Variants in RPA2 observed in about 807,000 individuals in gnomAD.
The protein encoded by RPA2 is replication protein A 32 kDa subunit.
RPA2 carries 22 observed loss-of-function variants against 33.4 expected under a neutral mutation model. The observed-to-expected ratio is 0.66, with a 90% CI of 0.47 to 0.94. The LOEUF (loss-of-function observed/expected upper bound fraction) is 0.94. Ranked by LOEUF, RPA2 falls within the 40% of genes least tolerant of loss-of-function variation. The probability of loss-of-function intolerance (pLI) is 0.00; values close to 1 mark genes in which losing one functional copy is unlikely to be tolerated. For missense variants in RPA2, 279 were observed against 329.9 expected (o/e 0.85, Z 1.19); for synonymous variants, 109 against 114.9 (o/e 0.95, Z 0.33).
Position 27,894,108 on chromosome 1 carries a change from T to A in RPA2, c.634-2A>T. On this transcript the variant is annotated splice_acceptor_variant, in intron 7 of 8. Coordinates refer to ENST00000373912, the MANE Select transcript of RPA2 (RefSeq NM_002946.5). LOFTEE classifies it high-confidence loss of function. ...ACAAGCCTTAATCAAATTCAACACC[T>A]GAAGATTCAAATCAGAAAGATTTTA... 1 of 1,612,758 alleles carries A rather than the reference T, an allele frequency of 6.2e-7. No individual in the cohort carries two copies. The highest frequency in any genetic ancestry group is 8.5e-7 in the Non-Finnish European group (1 of 1,178,870).
chr1:27,913,008 AG>A (rs1276285678), intron 2 of RPA2, among the ~76,000 whole-genome samples: 1 of 152,128 alleles, frequency 6.6e-6, no homozygotes, highest in African/African-American at 2.4e-5. Flanking sequence ...GCTGGAGTGC[AG>A]TGGCATCATC....
chr1:27,900,173 G>A (rs2089950745), intron 4 of RPA2, among the ~76,000 whole-genome samples: 1 of 151,882 alleles, frequency 6.6e-6, no homozygotes. Context: ...TTACAATGGT[G>A]GGATCTCGGC....
At chr1:27,902,542 C>T (rs2089980823) in intron 4 of RPA2, among the ~76,000 whole-genome samples, 1 of 152,044 alleles carries the variant, frequency 6.6e-6, no homozygotes, top group African/African-American at 2.4e-5. Flanking sequence ...TCTTGGCCTC[C>T]CCAAAGTCCT....
At chr1:27,901,568 C>G (rs569066221) in intron 4 of RPA2, among the ~76,000 whole-genome samples, 1 of 152,068 alleles carries the variant, frequency 6.6e-6, no homozygotes, top group African/African-American at 2.4e-5. Context: ...ACCACATTGG[C>G]CAGGCTGGTC....
At chr1:27,903,760 G>A (rs537178299) in intron 4 of RPA2, among the ~76,000 whole-genome samples, 47 of 150,402 alleles carry the variant, frequency 3.1e-4, no homozygotes, top group Admixed American at 2.7e-3. Flanking sequence ...AGGCACGGTG[G>A]CATCAGCCTA....
rs376673928 is a variant in RPA2, at chr1:27,914,153, A to G, written c.27T>C (p.Tyr9=). 15 of 1,613,270 alleles carry G rather than the reference A, an allele frequency of 9.3e-6. No individual in the cohort carries two copies. The highest frequency in any genetic ancestry group is 6.7e-5 in the African/African-American group (5 of 74,702). The part of the protein sequence containing the change: MWNSGFES[Y]GSSSYGGAGG... The stretch of plus-strand genomic sequence containing the variant: ...CGGCTCCCCCGTATGAGGAGCTGCC[A>G]TAGCTTTCGAATCCACCTGTTTTGA... The change falls in exon 2 of 9, where the codon TAT becomes TAC. Residue 9 remains tyrosine (Y), a synonymous_variant. Coordinates refer to ENST00000373912, the MANE Select transcript of RPA2 (RefSeq NM_002946.5).
In RPA2 at chr1:27,892,249, TAGAA is replaced by T. The variant is rs1315186908; in HGVS notation, c.729-6_729-3del. The T allele has an allele frequency of 6.2e-7, 1 of 1,605,520 alleles. No individual in the cohort carries two copies. The highest frequency in any genetic ancestry group is 1.1e-5 in the South Asian group (1 of 90,544). The stretch of plus-strand genomic sequence containing the variant: ...TTGCTCAGAAAATCCACAGCTTGCC[TAGAA>T]AGAAAGAAGAAAAAAAAAAGGTCAT... On this transcript the variant is annotated splice_polypyrimidine_tract_variant and splice_region_variant and intron_variant, in intron 8 of 8. Coordinates refer to ENST00000373912, the MANE Select transcript of RPA2 (RefSeq NM_002946.5).
intron 4 of RPA2, among the ~76,000 whole-genome samples, chr1:27,900,382 G>A (rs989063570): frequency 6.6e-6 from 1 of 152,086 alleles, no homozygotes; most frequent in Non-Finnish European, 1.5e-5. Context: ...AAAGTGCTGA[G>A]ATTACACGCA....
At chr1:27,909,304 A>G (rs1557474294) in intron 2 of RPA2, among the ~76,000 whole-genome samples, 1 of 152,190 alleles carries the variant, frequency 6.6e-6, no homozygotes, top group Non-Finnish European at 1.5e-5. Context: ...TTGCTGAAGC[A>G]TGATTGTGAA....
At position 27,898,092 on chromosome 1, in the gene RPA2, G is replaced by T. The variant is rs1037741484; in HGVS notation, c.334-385C>A. Among the ~76,000 whole-genome samples the T allele has an allele frequency of 3.3e-5, 5 of 152,224 alleles. No individual in the cohort carries two copies. In the East Asian group the frequency reaches 9.7e-4, roughly 29 times the overall value. On this transcript the variant is annotated intron_variant, in intron 4 of 8. Coordinates refer to ENST00000373912, the MANE Select transcript of RPA2 (RefSeq NM_002946.5). Reference sequence around the variant, plus strand: ...TGCAACCTCCGCCTCCCAAGGGAGGGTTTGAGTAATTCTCCTGCCTCAACT... The same window carrying T: ...TGCAACCTCCGCCTCCCAAGGGAGGTTTTGAGTAATTCTCCTGCCTCAACT...
chr1:27,910,969 A>G (rs1193060415), intron 2 of RPA2, among the ~76,000 whole-genome samples: 1 of 152,148 alleles, frequency 6.6e-6, no homozygotes, highest in African/African-American at 2.4e-5. Flanking sequence ...TAATCCCAAC[A>G]CTTTGGGAGG....
intron 4 of RPA2, 97 bp downstream of exon 4, chr1:27,906,831 A>T: frequency 6.4e-6 from 5 of 775,260 alleles, no homozygotes; most frequent in South Asian, 1.9e-5. Flanking sequence ...GTCTTTTTGT[A>T]TTATTTTTAT....
At chr1:27,898,316 A>G (rs2089917862) in intron 4 of RPA2, among the ~76,000 whole-genome samples, 1 of 152,332 alleles carries the variant, frequency 6.6e-6, no homozygotes, top group African/African-American at 2.4e-5. Flanking sequence ...CATAAAGTAC[A>G]CATTTCTATA....
At chr1:27,893,431 G>T (rs932022836) in intron 8 of RPA2, among the ~76,000 whole-genome samples, 1 of 151,900 alleles carries the variant, frequency 6.6e-6, no homozygotes, top group Non-Finnish European at 1.5e-5. Flanking sequence ...TCAGCCTCCT[G>T]GGTAGCTGGG....
chr1:27,894,193 G>A (rs955851484), intron 7 of RPA2, 87 bp from the exon 8 acceptor site: 2 of 1,496,806 alleles, frequency 1.3e-6, no homozygotes, highest in Non-Finnish European at 9.3e-7. Flanking sequence ...GAAAAGAAAT[G>A]AACCAGGTAC....
upstream of RPA2, chr1:27,914,683 C>G: frequency 1.9e-6 from 3 of 1,612,614 alleles, no homozygotes; most frequent in South Asian, 1.1e-5. Flanking sequence ...GCGTACTGCG[C>G]TCCCAGTTGG....
intron 2 of RPA2, among the ~76,000 whole-genome samples, chr1:27,912,545 C>CA (rs913543763): frequency 6.0e-5 from 9 of 150,690 alleles, no homozygotes; most frequent in African/African-American, 1.2e-4. Context: ...GACCCTGTCT[C>CA]AAAAAAAAAG....
chr1:27,913,144 G>A (rs2090121050), intron 2 of RPA2, among the ~76,000 whole-genome samples: 1 of 151,600 alleles, frequency 6.6e-6, no homozygotes, highest in Non-Finnish European at 1.5e-5. Flanking sequence ...GTAGAGACGA[G>A]GTTTCACCAT....
intron 8 of RPA2, 59 bp downstream of exon 8, chr1:27,893,953 C>T: frequency 7.0e-7 from 1 of 1,437,158 alleles, no homozygotes; most frequent in Non-Finnish European, 9.8e-7. Context: ...TCAGGAAACC[C>T]TTGTGAGGTG....
Sources: gnomAD v4.1 joint callset for allele counts (sites outside exome capture counted in the v4.1 genomes callset) on GRCh38, gnomAD v4.1.1 for gene constraint, MANE v1.5 for transcripts, NCBI Gene and HGNC (gene_info 2026-07-23, HGNC 2026-07-21) for gene names.